Variants in ATOH8 observed in about 807,000 individuals in gnomAD.
ATOH8 encodes atonal bHLH transcription factor 8.
In ATOH8, 9 loss-of-function variants were observed where a neutral mutation model predicts 21.2. That is an observed-to-expected ratio of 0.42 (90% CI 0.26 to 0.74). ATOH8 has a LOEUF of 0.74. ATOH8 is among the 30% of genes least tolerant of loss of function. The pLI is 0.24. For synonymous variants in ATOH8, 253 were observed against 224.0 expected (o/e 1.13, Z -1.16); for missense variants, 524 against 470.9 (o/e 1.11, Z -1.04).
intron 2 of ATOH8, among the ~76,000 whole-genome samples, chr2:85,778,038 G>A (rs920463904): frequency 9.2e-5 from 14 of 152,228 alleles, no homozygotes; most frequent in Non-Finnish European, 1.9e-4. Flanking sequence ...TCTGTGCTCC[G>A]ACATGTAGCT....
In ATOH8 at chr2:85,754,728, G is replaced by GCCCTGCGCC. The variant is rs1558605762; in HGVS notation, c.543_551dup (p.Ala182_Pro184dup). 1 of 1,612,238 alleles carries GCCCTGCGCC rather than the reference G, an allele frequency of 6.2e-7. No homozygotes were observed. The highest frequency in any genetic ancestry group is 8.5e-7 in the Non-Finnish European group (1 of 1,179,582). ...CCAGCGCCCCCGGAGTCCACTGTGCGCCCTGCGCCCCCGACGCGCCCCGGG... is the reference window on the plus strand; with the variant it reads ...CCAGCGCCCCCGGAGTCCACTGTGCGCCCTGCGCCCCCTGCGCCCCCGACGCGCCCCGGG... On this transcript the variant is annotated inframe_insertion, in exon 1 of 3. Coordinates refer to ENST00000306279, the MANE Select transcript of ATOH8 (RefSeq NM_032827.7).
At position 85,754,936 on chromosome 2, in the gene ATOH8, C is replaced by A; in HGVS notation, c.747C>A (p.Ala249=). 1 of 1,597,566 alleles carries A rather than the reference C, an allele frequency of 6.3e-7. No homozygotes were observed. Among genetic ancestry groups the A allele is most frequent in the East Asian group, 2.2e-5 (1 of 44,650 alleles). ...CGCGGGTGCACACCATCAGCGCAGC[C>A]TTCGAGGCGCTCAGGAAGCAGGTAC... ...ERTRVHTISA[A]FEALRKQVPC... Residue 249 remains alanine (A), a synonymous_variant, in exon 1 of 3, where the codon GCC becomes GCA. Coordinates refer to ENST00000306279, the MANE Select transcript of ATOH8 (RefSeq NM_032827.7).
intron 2 of ATOH8, among the ~76,000 whole-genome samples, chr2:85,764,937 T>C (rs559095001): frequency 1.3e-5 from 2 of 152,190 alleles, no homozygotes; most frequent in East Asian, 3.9e-4. Context: ...ACCAGGCAGA[T>C]GAAGGAGGGA....
At chr2:85,774,004 T>C (rs970998471) in intron 2 of ATOH8, 10 of 817,984 alleles carry the variant, frequency 1.2e-5, no homozygotes, top group Non-Finnish European at 1.5e-5. Context: ...TGCGGCCGGG[T>C]GCTCAAGTGT....
chr2:85,772,643 C>G lies in ATOH8; in HGVS notation c.960+8461C>G, dbSNP rs1008993357. 10 of 452,218 alleles carry G rather than the reference C, an allele frequency of 2.2e-5. No individual in the cohort carries two copies. In the East Asian group the frequency reaches 5.6e-4, roughly 25 times the overall value. 28.0% of individuals were successfully genotyped at this position (452,218 alleles called of 1,614,324 possible). A position where few individuals can be genotyped will look rare whatever the true frequency, so the allele number is the denominator to read the frequency against. ...AGCCTCATCATCACTCAGGATACAA[C>G]AGCGCGAGCAGCTGGTTTGGAGGCA... On this transcript the variant is annotated intron_variant, in intron 2 of 2. Coordinates refer to ENST00000306279, the MANE Select transcript of ATOH8 (RefSeq NM_032827.7).
Position 85,754,411 on chromosome 2 carries a change from G to A in ATOH8, c.222G>A (p.Val74=). The A allele has an allele frequency of 6.4e-7, 1 of 1,564,614 alleles. No homozygotes were observed. The highest frequency in any genetic ancestry group is 1.4e-5 in the African/African-American group (1 of 70,304). The part of the protein sequence containing the change: ...THRLQPVPVP[V]PVPVPVAPAV... ...GGCTGCAGCCGGTCCCGGTACCGGT[G>A]CCGGTGCCAGTCCCAGTGGCGCCGG... Residue 74 remains valine (V), a synonymous_variant, in exon 1 of 3, where the codon GTG becomes GTA. Coordinates refer to ENST00000306279, the MANE Select transcript of ATOH8 (RefSeq NM_032827.7).
At chr2:85,770,276 C>T (rs1361102081) in intron 2 of ATOH8, among the ~76,000 whole-genome samples, 1 of 152,208 alleles carries the variant, frequency 6.6e-6, no homozygotes, top group Non-Finnish European at 1.5e-5. Context: ...TAACCACTAA[C>T]AGAGGTGTGT....
chr2:85,786,445 C>A (rs1680622254), intron 2 of ATOH8, among the ~76,000 whole-genome samples: 1 of 152,178 alleles, frequency 6.6e-6, no homozygotes, highest in African/African-American at 2.4e-5. Context: ...TAGAGTGGGC[C>A]TTGTGACTCC....
At position 85,785,337 on chromosome 2, in the gene ATOH8, A is replaced by G. The variant is rs1680598324; in HGVS notation, c.961-1548A>G. 6.6e-6 allele frequency among the ~76,000 whole-genome samples: 1 copy of G among 152,208 alleles called. No individual in the cohort carries two copies. The highest frequency in any genetic ancestry group is 2.1e-4 in the South Asian group (1 of 4,832). ...CCTCCTCCTCAGACTCGGTAACACA[A>G]AGCAGATTCCTGCTGGGGCCAGCCA... On this transcript the variant is annotated intron_variant, in intron 2 of 2. Coordinates refer to ENST00000306279, the MANE Select transcript of ATOH8 (RefSeq NM_032827.7). This position sits in a 1 kb window ranked among gnomAD's most constrained non-coding sequence, Gnocchi z 4.1.
rs1680702822 is a variant in ATOH8, at chr2:85,789,220, C to G, written c.*2330C>G. On this transcript the variant is annotated 3_prime_UTR_variant, in exon 3 of 3. Coordinates refer to ENST00000306279, the MANE Select transcript of ATOH8 (RefSeq NM_032827.7). ...CTCCCATCCCCCTCCTGCATACATACTTCATTACATGTTTCCCTTTCATTC... is the reference window on the plus strand; with the variant it reads ...CTCCCATCCCCCTCCTGCATACATAGTTCATTACATGTTTCCCTTTCATTC... Among the ~76,000 whole-genome samples the G allele has an allele frequency of 6.6e-6, 1 of 152,176 alleles. No individual in the cohort carries two copies. Among genetic ancestry groups the G allele is most frequent in the South Asian group, 2.1e-4 (1 of 4,824 alleles).
chr2:85,785,349 G>C lies in ATOH8; in HGVS notation c.961-1536G>C, dbSNP rs1680598761. On this transcript the variant is annotated intron_variant, in intron 2 of 2. Transcript: ENST00000306279. This position sits in a 1 kb window ranked among gnomAD's most constrained non-coding sequence, Gnocchi z 4.1. ...ACTCGGTAACACAAAGCAGATTCCT[G>C]CTGGGGCCAGCCATGCACAGTGGGC... is the stretch of plus-strand genomic sequence containing the variant. 6.6e-6 allele frequency among the ~76,000 whole-genome samples: 1 copy of C among 152,234 alleles called. No individual in the cohort carries two copies.
Position 85,766,571 on chromosome 2 carries a change from A to G in ATOH8, c.960+2389A>G, listed in dbSNP as rs184750819. 1.3e-3 allele frequency among the ~76,000 whole-genome samples: 197 copies of G among 152,316 alleles called. No homozygotes were observed. Among genetic ancestry groups the G allele is most frequent in the African/African-American group, 4.4e-3 (182 of 41,574 alleles). On this transcript the variant is annotated intron_variant, in intron 2 of 2. Coordinates refer to ENST00000306279, the MANE Select transcript of ATOH8 (RefSeq NM_032827.7). The surrounding 1 kb of genome is among the most constrained non-coding windows in gnomAD (Gnocchi z 4.0). The stretch of plus-strand genomic sequence containing the variant: ...CGTCTCCCCATGGGGGCCGGTGTTC[A>G]TAATTCCAGCCCTTCCCATACCAGC...
chr2:85,785,650 C>T lies in ATOH8; in HGVS notation c.961-1235C>T, dbSNP rs1043810268. Among the ~76,000 whole-genome samples, 32 of 152,190 alleles carry T rather than the reference C, an allele frequency of 2.1e-4. No homozygotes were observed. The highest frequency in any genetic ancestry group is 7.7e-4 in the African/African-American group (32 of 41,442). ...CAAGCCTCTGTCTCAGTGAGAGCAG[C>T]CTCTGTGTGGTAGAATGAACACTGC... On this transcript the variant is annotated intron_variant, in intron 2 of 2. Transcript: ENST00000306279. The surrounding 1 kb of genome is among the most constrained non-coding windows in gnomAD (Gnocchi z 4.1).
intron 2 of ATOH8, among the ~76,000 whole-genome samples, chr2:85,779,203 C>T (rs1340252166): frequency 6.6e-6 from 1 of 152,280 alleles, no homozygotes. Flanking sequence ...GACCGGACAG[C>T]ATCGCAGGAT....
chr2:85,779,267 G>A (rs544945098), intron 2 of ATOH8, among the ~76,000 whole-genome samples: 56 of 152,376 alleles, frequency 3.7e-4, no homozygotes, highest in East Asian at 1.5e-3. Flanking sequence ...GGGCCAGCTC[G>A]ACCCTCACAA....
At chr2:85,756,577 T>G (rs1380841824) in intron 1 of ATOH8, among the ~76,000 whole-genome samples, 1 of 152,238 alleles carries the variant, frequency 6.6e-6, no homozygotes, top group East Asian at 1.9e-4. Context: ...AATACTCATC[T>G]GAGTGCTTTG....
chr2:85,780,957 G>A (rs1199065651), intron 2 of ATOH8: 3 of 987,542 alleles, frequency 3.0e-6, no homozygotes, highest in Admixed American at 6.1e-5. Context: ...GTCCATACTT[G>A]CTTCCAGGTC....
rs539055420 is a variant in ATOH8, at chr2:85,769,195, C to A, written c.960+5013C>A. ...TTGTCTTCTAATGATTTTAAGCCAT[C>A]AGGTAGTATAATACTAACTACAACA... is the stretch of plus-strand genomic sequence containing the variant. On this transcript the variant is annotated intron_variant, in intron 2 of 2. Transcript: ENST00000306279. Among the ~76,000 whole-genome samples, 6 of 152,350 alleles carry A rather than the reference C, an allele frequency of 3.9e-5. No individual in the cohort carries two copies. In the East Asian group the frequency reaches 1.2e-3, roughly 29 times the overall value.
rs1195631046 is a variant in ATOH8 at position 85,766,147 on chromosome 2, G to T, written c.960+1965G>T. Among the ~76,000 whole-genome samples, 1 of 152,148 alleles carries T rather than the reference G, an allele frequency of 6.6e-6. No individual in the cohort carries two copies. The highest frequency in any genetic ancestry group is 1.5e-5 in the Non-Finnish European group (1 of 68,016). ...GAAGATGAAAGGAGTTACTGCAGGA[G>T]AGCGTGTGGTGTCTGCATGGTCACC... On this transcript the variant is annotated intron_variant, in intron 2 of 2. Transcript: ENST00000306279. This position sits in a 1 kb window ranked among gnomAD's most constrained non-coding sequence, Gnocchi z 4.0.
Sources: allele counts gnomAD v4.1 joint callset (sites outside exome capture counted in the v4.1 genomes callset), GRCh38; gene constraint gnomAD v4.1.1; non-coding constraint Gnocchi (gnomAD v3.1); transcripts MANE v1.5; gene names NCBI Gene and HGNC (gene_info 2026-07-23, HGNC 2026-07-21).